KLHL1: variants seen among roughly 807,000 people sequenced by gnomAD.
KLHL1 encodes kelch like family member 1.
Under a neutral mutation model 77.7 loss-of-function variants are expected in KLHL1, and 47 were observed. The ratio of observed to expected loss-of-function variants is 0.60; its 90% CI spans 0.48 to 0.77. KLHL1 has a LOEUF of 0.77. Among genes scored for constraint, KLHL1 ranks in the 30% least tolerant of loss-of-function variants. KLHL1 has a pLI of 0.00. For synonymous variants in KLHL1, 360 were observed against 325.2 expected, an observed-to-expected ratio of 1.11 and a Z score of -1.15; for missense variants, 925 against 910.8, an observed-to-expected ratio of 1.02 and a Z score of -0.20.
Position 69,864,155 on chromosome 13 carries a change from G to A in KLHL1, c.1227+18128C>T, listed in dbSNP as rs970231508. 2.0e-5 allele frequency among the ~76,000 whole-genome samples: 3 copies of A among 151,840 alleles called. 1 individual carries two copies. In the South Asian group the frequency reaches 6.2e-4, roughly 31 times the overall value. On this transcript the variant is annotated intron_variant, in intron 5 of 10. Transcript: ENST00000377844. ...TCTTACTCCGGGGACTTTTATAAAAGCAAGAAGTAGGATGACCTTGTTTAC... is the reference window on the plus strand; with the variant it reads ...TCTTACTCCGGGGACTTTTATAAAAACAAGAAGTAGGATGACCTTGTTTAC...
intron 1 of KLHL1, among the ~76,000 whole-genome samples, chr13:70,031,746 C>A (rs978715774): frequency 6.6e-6 from 1 of 152,096 alleles, no homozygotes; most frequent in Admixed American, 6.6e-5. Context: ...AGCTGTATTT[C>A]CTCCAGTTGT....
At chr13:69,938,693 C>T (rs1314223124) in intron 4 of KLHL1, among the ~76,000 whole-genome samples, 5 of 152,024 alleles carry the variant, frequency 3.3e-5, no homozygotes, top group African/African-American at 7.2e-5. Flanking sequence ...CTTTGATTTG[C>T]TATGGTTCAC....
intron 1 of KLHL1, among the ~76,000 whole-genome samples, chr13:70,001,627 T>C (rs1885291718): frequency 7.3e-6 from 1 of 137,642 alleles, no homozygotes; most frequent in South Asian, 2.3e-4. Flanking sequence ...ACCTATCATC[T>C]TTCTACTGAA....
intron 1 of KLHL1, among the ~76,000 whole-genome samples, chr13:70,103,277 G>A (rs1485635089): frequency 2.0e-5 from 3 of 152,114 alleles, no homozygotes; most frequent in African/African-American, 7.2e-5. Flanking sequence ...GGAAAACAGA[G>A]GGTAAGGGGA....
At chr13:70,003,389 A>G (rs1885341037) in intron 1 of KLHL1, among the ~76,000 whole-genome samples, 1 of 151,774 alleles carries the variant, frequency 6.6e-6, no homozygotes, top group South Asian at 2.1e-4. Context: ...TGGAGTTTAG[A>G]GGAGAAAAAT....
intron 1 of KLHL1, among the ~76,000 whole-genome samples, chr13:70,024,486 C>CTGCTT (rs1386849983): frequency 3.9e-5 from 6 of 151,934 alleles, no homozygotes; most frequent in African/African-American, 1.4e-4. Flanking sequence ...CCCCCTTGCT[C>CTGCTT]TGCTTTGCTT....
chr13:69,760,081 C>A (rs999396783), intron 7 of KLHL1, among the ~76,000 whole-genome samples: 3 of 152,106 alleles, frequency 2.0e-5, no homozygotes, highest in African/African-American at 4.8e-5. Context: ...ATGTCAAAAA[C>A]GTAAATTTTG....
chr13:70,086,227 A>T (rs1269789251), intron 1 of KLHL1, among the ~76,000 whole-genome samples: 1 of 151,862 alleles, frequency 6.6e-6, no homozygotes, highest in African/African-American at 2.4e-5. Flanking sequence ...TGTGAGAGAG[A>T]TGTTCTGAAG....
chr13:69,733,187 C>CTA (rs1215304749), intron 8 of KLHL1, among the ~76,000 whole-genome samples: 3 of 151,560 alleles, frequency 2.0e-5, no homozygotes, highest in Non-Finnish European at 4.4e-5. Flanking sequence ...GTAAAAACAT[C>CTA]TATAAGAATA....
At chr13:69,763,873 CATA>C (rs1215962377) in intron 7 of KLHL1, among the ~76,000 whole-genome samples, 2 of 152,174 alleles carry the variant, frequency 1.3e-5, no homozygotes, top group Admixed American at 6.5e-5. Flanking sequence ...GAGATTCCAG[CATA>C]ATAAGAAAGT....
chr13:70,032,884 AT>A (rs957717278), intron 1 of KLHL1, among the ~76,000 whole-genome samples: 3 of 152,092 alleles, frequency 2.0e-5, no homozygotes, highest in Admixed American at 6.6e-5. Context: ...CAGTTTTGCC[AT>A]TTTTTTATGG....
chr13:70,054,050 C>A (rs1886688811), intron 1 of KLHL1, among the ~76,000 whole-genome samples: 1 of 152,028 alleles, frequency 6.6e-6, no homozygotes, highest in Non-Finnish European at 1.5e-5. Flanking sequence ...TAAAAACATT[C>A]TTTTAATGGC....
intron 1 of KLHL1, among the ~76,000 whole-genome samples, chr13:70,070,059 T>A (rs1286367237): frequency 1.3e-5 from 2 of 151,280 alleles, no homozygotes; most frequent in Non-Finnish European, 2.9e-5. Context: ...TCCCAGGTAG[T>A]TGGGAGGCTG....
Position 69,808,584 on chromosome 13 carries a change from C to T in KLHL1, c.1415-11622G>A, listed in dbSNP as rs544992813. 1.1e-4 allele frequency among the ~76,000 whole-genome samples: 17 copies of T among 151,980 alleles called. No homozygotes were observed. In the South Asian group the frequency reaches 3.5e-3, roughly 32 times the overall value. ...TCAAGAAGTCACATCCAAATGATAGCAAATTAAAAAAGAAATACAAAGTGT... is the reference window on the plus strand; with the variant it reads ...TCAAGAAGTCACATCCAAATGATAGTAAATTAAAAAAGAAATACAAAGTGT... On this transcript the variant is annotated intron_variant, in intron 6 of 10. Transcript: ENST00000377844.
chr13:69,820,711 T>C (rs1878300589), intron 6 of KLHL1, among the ~76,000 whole-genome samples: 1 of 152,200 alleles, frequency 6.6e-6, no homozygotes, highest in East Asian at 1.9e-4. Context: ...AGGCCGAATT[T>C]GCTCTGCATA....
At chr13:69,921,555 T>C (rs1262375576) in intron 4 of KLHL1, among the ~76,000 whole-genome samples, 2 of 151,908 alleles carry the variant, frequency 1.3e-5, no homozygotes, top group Non-Finnish European at 2.9e-5. Flanking sequence ...AACGTGGCCA[T>C]ACCAACGCAT....
At chr13:69,821,274 C>T (rs899528650) in intron 6 of KLHL1, among the ~76,000 whole-genome samples, 1 of 151,906 alleles carries the variant, frequency 6.6e-6, no homozygotes, top group Non-Finnish European at 1.5e-5. Context: ...AAAAGCTTAA[C>T]AAATGTTCAT....
In KLHL1 at chr13:69,877,444, G is replaced by T. The variant is rs1880809865; in HGVS notation, c.1227+4839C>A. 1.3e-5 allele frequency among the ~76,000 whole-genome samples: 2 copies of T among 151,344 alleles called. 1 individual carries two copies. The highest frequency in any genetic ancestry group is 4.2e-4 in the South Asian group (2 of 4,792). On this transcript the variant is annotated intron_variant, in intron 5 of 10. Transcript: ENST00000377844. ...GCAGAATAATGAGTAAATCAAATCA[G>T]GTATCCTCTAAGTAAACTATATATA...
chr13:69,810,544 A>G (rs370575504), intron 6 of KLHL1, among the ~76,000 whole-genome samples: 30 of 152,242 alleles, frequency 2.0e-4, no homozygotes, highest in African/African-American at 6.7e-4. Flanking sequence ...CAAGGTTAAC[A>G]ACAAAGTTTA....
Sources: allele counts gnomAD v4.1 joint callset (sites outside exome capture counted in the v4.1 genomes callset), GRCh38; gene constraint gnomAD v4.1.1; transcripts MANE v1.5; gene names NCBI Gene and HGNC (gene_info 2026-07-23, HGNC 2026-07-21).